ASMT: variants seen among roughly 807,000 people sequenced by gnomAD.
The protein encoded by ASMT is acetylserotonin O-methyltransferase, also known as acetylserotonin N-methyltransferase.
Under a neutral mutation model 41.3 loss-of-function variants are expected in ASMT, and 53 were observed. That is an observed-to-expected ratio of 1.28 (90% CI 1.03 to 1.61). The LOEUF (loss-of-function observed/expected upper bound fraction) is 1.61, where lower values mean the gene tolerates loss of function less well. ASMT is among the 40% of genes most tolerant of loss of function. The pLI, the probability that ASMT is intolerant of heterozygous loss-of-function variation, is 0.00. For missense variants in ASMT, 531 were observed against 441.3 expected (o/e 1.20, Z -1.82); for synonymous variants, 231 against 184.8 (o/e 1.25, Z -2.03).
rs747366794 is a variant in ASMT, at chrX:1,630,027, T to G, written c.562+88T>G. The G allele has an allele frequency of 1.2e-4, 148 of 1,200,830 alleles. 1 individual carries two copies. In the African/African-American group the frequency reaches 1.8e-3, roughly 15 times the overall value. 74.4% of individuals were successfully genotyped at this position (1,200,830 alleles called of 1,614,324 possible). A position where few individuals can be genotyped will look rare whatever the true frequency, so the allele number is the denominator to read the frequency against. On this transcript the variant is annotated intron_variant, in intron 5 of 8. Coordinates refer to ENST00000381241, the MANE Select transcript of ASMT (RefSeq NM_001171038.2). ...TATTCATGTCTTTTATTTTCTGCAT[T>G]CTGATGCTTTGACATGTGCGGCCTT...
rs763023784 is a variant in ASMT, at chrX:1,623,233, C to T, written c.164C>T (p.Ala55Val). Reference sequence around the variant, plus strand: ...GCGGCAGTGGCTGCAGGTGTGAGGGCCAGCGCCCATGGGACAGAGCTCCTG... The same window carrying T: ...GCGGCAGTGGCTGCAGGTGTGAGGGTCAGCGCCCATGGGACAGAGCTCCTG... Reference protein sequence around the residue: ...DVAAVAAGVRASAHGTELLLD... With the variant: ...DVAAVAAGVRVSAHGTELLLD... The change falls in exon 2 of 9, where the codon GCC becomes GTC. Residue 55 changes from alanine (A) to valine (V), a missense_variant. Physicochemically the swap from Ala to Val is moderately conservative, Grantham distance 64. Coordinates refer to ENST00000381241, the MANE Select transcript of ASMT (RefSeq NM_001171038.2). 1.9e-6 allele frequency: 3 copies of T among 1,613,692 alleles called. No individual in the cohort carries two copies. The highest frequency in any genetic ancestry group is 1.3e-5 in the African/African-American group (1 of 75,032).
chrX:1,635,350 C>T (rs1258335611), intron 7 of ASMT, among the ~76,000 whole-genome samples: 7 of 151,948 alleles, frequency 4.6e-5, no homozygotes, highest in Non-Finnish European at 1.0e-4. Flanking sequence ...TATCATTTTG[C>T]GGGAAAACTA....
In ASMT at chrX:1,629,893, G is replaced by A. The variant is rs145804175; in HGVS notation, c.516G>A (p.Leu172=). The A allele has an allele frequency of 5.0e-6, 8 of 1,613,872 alleles. No individual in the cohort carries two copies. The African/African-American group carries it at 6.7e-5, about 13-fold the overall frequency. The change falls in exon 5 of 9, where the codon CTG becomes CTA. Residue 172 remains leucine (L), a synonymous_variant. Coordinates refer to ENST00000381241, the MANE Select transcript of ASMT (RefSeq NM_001171038.2). ...GGAGCGTCAACGGGAGAAGCGTGCT[G>A]ACCGCCTTTGACCTGTCAGTGTTCC... The part of the protein sequence containing the change: ...EVWSVNGRSV[L]TAFDLSVFPL...
intron 1 of ASMT, among the ~76,000 whole-genome samples, chrX:1,616,149 C>A (rs1157707187): frequency 1.3e-5 from 2 of 151,002 alleles, no homozygotes; most frequent in Non-Finnish European, 2.9e-5. Context: ...CTGCTTCAGC[C>A]TCCCGAGTAT....
At position 1,633,276 on chromosome X, in the gene ASMT, T is replaced by C. The variant is rs1934845253; in HGVS notation, c.773T>C (p.Ile258Thr). 6.2e-7 allele frequency: 1 copy of C among 1,613,876 alleles called. No homozygotes were observed. The highest frequency in any genetic ancestry group is 8.5e-7 in the Non-Finnish European group (1 of 1,179,860). ...TTCTCATTCCAGGAGGAAGAACAGA[T>C]TGACTTCCAGGAAGGTGTGTTTGTG... The part of the protein sequence containing the change: ...QHFSFQEEEQ[I>T]DFQEGDFFKD... Residue 258 changes from isoleucine (I) to threonine (T), a missense_variant, in exon 7 of 9, where the codon ATT becomes ACT. Physicochemically the swap from Ile to Thr is moderately conservative, Grantham distance 89 (BLOSUM62 -1). Transcript: ENST00000381241.
At chrX:1,627,499 T>C (rs1359670635) in intron 3 of ASMT, among the ~76,000 whole-genome samples, 2 of 151,206 alleles carry the variant, frequency 1.3e-5, no homozygotes, top group Admixed American at 1.3e-4. Flanking sequence ...CGGGCGCCTA[T>C]AGTCCCAGCT....
intron 3 of ASMT, among the ~76,000 whole-genome samples, chrX:1,627,448 C>CCCG (rs1934592961): frequency 6.6e-6 from 1 of 151,988 alleles, no homozygotes; most frequent in Non-Finnish European, 1.5e-5. Flanking sequence ...ATGGTGAAAC[C>CCCG]TGTCTCCACT....
rs867229741 is a variant in ASMT at position 1,616,230 on chromosome X, T to G, written c.69+962T>G. On this transcript the variant is annotated intron_variant, in intron 1 of 8. Coordinates refer to ENST00000381241, the MANE Select transcript of ASMT (RefSeq NM_001171038.2). ...TTTTAGTAGAGATGGGGTTTCACCA[T>G]GTTGGCCAGGCTGGTCTCGAACTCC... 7.3e-5 allele frequency among the ~76,000 whole-genome samples: 11 copies of G among 151,640 alleles called. 1 individual carries two copies. In the Middle Eastern group the frequency reaches 0.014, roughly 188 times the overall value.
intron 1 of ASMT, among the ~76,000 whole-genome samples, chrX:1,617,584 G>A (rs1470184967): frequency 2.0e-5 from 3 of 151,754 alleles, no homozygotes; most frequent in Admixed American, 6.6e-5. Context: ...GTTTCTCTCC[G>A]TCAGCAAGCC....
intron 5 of ASMT, among the ~76,000 whole-genome samples, chrX:1,631,883 A>C (rs1979482099): frequency 6.6e-6 from 1 of 152,092 alleles, no homozygotes; most frequent in South Asian, 2.1e-4. Flanking sequence ...CCCGGTCTCT[A>C]CTAAAAATAC....
chrX:1,633,721 C>T (rs1934860347), intron 7 of ASMT, among the ~76,000 whole-genome samples: 1 of 151,574 alleles, frequency 6.6e-6, no homozygotes, highest in Admixed American at 6.6e-5. Context: ...TCCCTTCAAG[C>T]TCCGCCTCCC....
chrX:1,636,486 C>G lies in ASMT; in HGVS notation c.836C>G (p.Ala279Gly). The G allele has an allele frequency of 6.2e-7, 1 of 1,613,910 alleles. No homozygotes were observed. Among genetic ancestry groups the G allele is most frequent in the East Asian group, 2.2e-5 (1 of 44,872 alleles). The stretch of plus-strand genomic sequence containing the variant: ...CCGGAAGCTGATCTGTACATCCTGG[C>G]CAGGGTCCTCCATGACTGGGCAGAC... ...PLPEADLYIL[A>G]RVLHDWADGK... Residue 279 changes from alanine (A) to glycine (G), a missense_variant, in exon 8 of 9, where the codon GCC becomes GGC. By Grantham distance (60) the Ala-to-Gly change is moderately conservative (BLOSUM62 0). Transcript: ENST00000381241.
Position 1,623,159 on chromosome X carries a change from G to A in ASMT, c.90G>A (p.Glu30=), listed in dbSNP as rs1374160519. Residue 30 remains glutamate, a synonymous_variant, in exon 2 of 9, where the codon GAG becomes GAA. Coordinates refer to ENST00000381241, the MANE Select transcript of ASMT (RefSeq NM_001171038.2). ...CCAAGGTTCTCTTCGCCGCCTGCGA[G>A]CTGGGCGTGTTTGACCTTCTCGCCG... The part of the protein sequence containing the change: ...MVSQVLFAAC[E]LGVFDLLAEA... 5.0e-6 allele frequency: 8 copies of A among 1,612,660 alleles called. No individual in the cohort carries two copies. In the Admixed American group the frequency reaches 1.3e-4, roughly 27 times the overall value.
chrX:1,637,296 T>C (rs747872217), intron 8 of ASMT, among the ~76,000 whole-genome samples: 107 of 2,472 alleles, frequency 0.043, 34 homozygotes, highest in Middle Eastern at 0.12. Flanking sequence ...CTCCTGATGG[T>C]TCATGAGGAT....
At chrX:1,628,213 C>T (rs1286247907) in intron 4 of ASMT, among the ~76,000 whole-genome samples, 38 of 152,078 alleles carry the variant, frequency 2.5e-4, no homozygotes, top group Non-Finnish European at 4.7e-4. Context: ...CCCAGCTAGT[C>T]GGGAGGCTGA....
intron 1 of ASMT, among the ~76,000 whole-genome samples, chrX:1,617,138 A>G (rs1934164051): frequency 6.6e-6 from 1 of 151,936 alleles, no homozygotes; most frequent in Non-Finnish European, 1.5e-5. Context: ...GCACCACTGC[A>G]CTCCAGCCTG....
At position 1,636,452 on chromosome X, in the gene ASMT, G is replaced by C; in HGVS notation, c.802G>C (p.Asp268His). The change falls in exon 8 of 9, where the codon GAC becomes CAC. Residue 268 changes from aspartate to histidine, a missense_variant. Coordinates refer to ENST00000381241, the MANE Select transcript of ASMT (RefSeq NM_001171038.2). ...IDFQEGDFFK[D>H]PLPEADLYIL... The stretch of plus-strand genomic sequence containing the variant: ...CTGTGTTCCAGGGGATTTCTTCAAA[G>C]ACCCTCTTCCGGAAGCTGATCTGTA... 1 of 1,613,878 alleles carries C rather than the reference G, an allele frequency of 6.2e-7. No individual in the cohort carries two copies. The highest frequency in any genetic ancestry group is 2.2e-5 in the East Asian group (1 of 44,876).
At position 1,633,293 on chromosome X, in the gene ASMT, G is replaced by A; in HGVS notation, c.787+3G>A. The A allele has an allele frequency of 6.2e-7, 1 of 1,613,920 alleles. No homozygotes were observed. The highest frequency in any genetic ancestry group is 8.5e-7 in the Non-Finnish European group (1 of 1,179,862). On this transcript the variant is annotated splice_donor_region_variant and intron_variant, in intron 7 of 8. Transcript: ENST00000381241. The stretch of plus-strand genomic sequence containing the variant: ...AGAACAGATTGACTTCCAGGAAGGT[G>A]TGTTTGTGTCCGTGGGGAAGCAGAG...
intron 2 of ASMT, 80 bp downstream of exon 2, chrX:1,623,393 G>A: frequency 6.4e-7 from 1 of 1,552,092 alleles, no homozygotes; most frequent in Non-Finnish European, 8.9e-7. Flanking sequence ...AAGTGAAACA[G>A]TCTCCATCCT....
Sources: allele counts gnomAD v4.1 joint callset (sites outside exome capture counted in the v4.1 genomes callset), GRCh38; gene constraint gnomAD v4.1.1; transcripts MANE v1.5; gene names NCBI Gene and HGNC (gene_info 2026-07-23, HGNC 2026-07-21).